The following XKR4 variants were observed in gnomAD, a reference collection of about 807,000 sequenced individuals.
XKR4 encodes XK related 4.
A neutral mutation model predicts 53.9 loss-of-function variants in XKR4; 12 were observed. That is an observed-to-expected ratio of 0.22 (90% CI 0.14 to 0.36). The LOEUF (loss-of-function observed/expected upper bound fraction) is 0.36. Ranked by LOEUF, XKR4 falls within the 10% of genes least tolerant of loss-of-function variation. The probability of loss-of-function intolerance (pLI) is 1.00; values close to 1 mark genes in which losing one functional copy is unlikely to be tolerated. For synonymous variants in XKR4, 354 were observed against 362.4 expected (o/e 0.98, Z 0.26); for missense variants, 799 against 859.5 (o/e 0.93, Z 0.88).
At chr8:55,172,554 A>G (rs1283644052) in intron 1 of XKR4, among the ~76,000 whole-genome samples, 1 of 152,238 alleles carries the variant, frequency 6.6e-6, no homozygotes, top group Non-Finnish European at 1.5e-5. Context: ...CCTATAGTAT[A>G]AAACAAAGAC....
rs1251192695 is a variant in XKR4, at chr8:55,532,897, A to G, written c.*8670A>G. The stretch of plus-strand genomic sequence containing the variant: ...AATTGTTGACCTTCTCCTCCTCTCC[A>G]TTGCTTAATTTATATTAAAACAGAT... On this transcript the variant is annotated 3_prime_UTR_variant, in exon 3 of 3. Coordinates refer to ENST00000327381, the MANE Select transcript of XKR4 (RefSeq NM_052898.2). 6.6e-6 allele frequency: 1 copy of G among 151,272 alleles called. No individual in the cohort carries two copies. The highest frequency in any genetic ancestry group is 2.4e-5 in the African/African-American group (1 of 41,056). The allele number at this position is 151,272 out of a possible 1,614,324, so 9.4% of individuals were successfully genotyped here. A position where few individuals can be genotyped will look rare whatever the true frequency, so the allele number is the denominator to read the frequency against.
At chr8:55,390,279 T>C (rs540299424) in intron 2 of XKR4, among the ~76,000 whole-genome samples, 2 of 152,370 alleles carry the variant, frequency 1.3e-5, no homozygotes, top group Admixed American at 6.5e-5. Flanking sequence ...GTTAATGGTA[T>C]CATTTGCCAA....
At chr8:55,321,098 A>G (rs1450107853) in intron 1 of XKR4, among the ~76,000 whole-genome samples, 3 of 152,044 alleles carry the variant, frequency 2.0e-5, no homozygotes, top group Non-Finnish European at 4.4e-5. Flanking sequence ...GCTTCCTTGC[A>G]TCTAGGTCCA....
chr8:55,349,234 A>G (rs567495017), intron 1 of XKR4, among the ~76,000 whole-genome samples: 2 of 152,236 alleles, frequency 1.3e-5, no homozygotes, highest in Admixed American at 6.5e-5. Context: ...TGACAGAGCC[A>G]TGATTGTTCA....
At chr8:55,481,693 T>G (rs1806109652) in intron 2 of XKR4, among the ~76,000 whole-genome samples, 1 of 151,604 alleles carries the variant, frequency 6.6e-6, no homozygotes, top group Non-Finnish European at 1.5e-5. Flanking sequence ...TCAAATCAAT[T>G]TACAAGAAAA....
At chr8:55,252,776 C>A (rs766427431) in intron 1 of XKR4, among the ~76,000 whole-genome samples, 2 of 152,100 alleles carry the variant, frequency 1.3e-5, no homozygotes, top group African/African-American at 2.4e-5. Flanking sequence ...AGAAAGAGAC[C>A]CTGCTCAAAG....
chr8:55,470,782 T>A (rs1805868184), intron 2 of XKR4, among the ~76,000 whole-genome samples: 1 of 152,142 alleles, frequency 6.6e-6, no homozygotes, highest in African/African-American at 2.4e-5. Flanking sequence ...ACTGATCACT[T>A]TCTATGATCA....
intron 1 of XKR4, among the ~76,000 whole-genome samples, chr8:55,255,249 T>C (rs1428175089): frequency 6.6e-6 from 1 of 152,200 alleles, no homozygotes; most frequent in East Asian, 1.9e-4. Flanking sequence ...TTACTAGCGG[T>C]GTGGCCTTAG....
At chr8:55,133,853 A>C (rs535026394) in intron 1 of XKR4, among the ~76,000 whole-genome samples, 3 of 152,322 alleles carry the variant, frequency 2.0e-5, no homozygotes, top group Admixed American at 6.5e-5. Context: ...GGAGATGAAA[A>C]TTTATGAGAT....
intron 2 of XKR4, among the ~76,000 whole-genome samples, chr8:55,488,051 G>A (rs960739406): frequency 6.6e-6 from 1 of 152,166 alleles, no homozygotes; most frequent in Non-Finnish European, 1.5e-5. Flanking sequence ...AGACATTAGT[G>A]CTTTTGATCA....
chr8:55,438,588 TTG>T (rs386725598), intron 2 of XKR4, among the ~76,000 whole-genome samples: 37,297 of 111,818 alleles, frequency 0.33, 7,173 homozygotes, highest in African/African-American at 0.38. Flanking sequence ...AGACTCCATC[TTG>T]AAAAAAAAAA....
chr8:55,463,946 T>G (rs1805708465), intron 2 of XKR4, among the ~76,000 whole-genome samples: 1 of 152,256 alleles, frequency 6.6e-6, no homozygotes, highest in East Asian at 1.9e-4. Flanking sequence ...AATCTCTGAA[T>G]AGACCAATAA....
intron 1 of XKR4, among the ~76,000 whole-genome samples, chr8:55,125,911 G>A (rs1816461382): frequency 6.6e-6 from 1 of 152,196 alleles, no homozygotes; most frequent in Non-Finnish European, 1.5e-5. Context: ...GCCCTTCTAA[G>A]TGTGAGCCCT....
At chr8:55,327,648 T>G (rs1205561885) in intron 1 of XKR4, among the ~76,000 whole-genome samples, 1 of 152,206 alleles carries the variant, frequency 6.6e-6, no homozygotes, top group African/African-American at 2.4e-5. Flanking sequence ...TCAAATAGTA[T>G]TTGTGTCTTT....
intron 1 of XKR4, among the ~76,000 whole-genome samples, chr8:55,345,709 T>C (rs979743185): frequency 1.3e-5 from 2 of 152,172 alleles, no homozygotes; most frequent in African/African-American, 2.4e-5. Flanking sequence ...GAGCGGGACA[T>C]TACATGCACA....
intron 1 of XKR4, among the ~76,000 whole-genome samples, chr8:55,127,155 G>A (rs116466721): frequency 6.6e-6 from 1 of 151,862 alleles, no homozygotes; most frequent in Non-Finnish European, 1.5e-5. Flanking sequence ...ATTCTCGTAT[G>A]AGCCAGCTAA....
chr8:55,161,449 G>C (rs1481759921), intron 1 of XKR4: 1 of 439,688 alleles, frequency 2.3e-6, no homozygotes, highest in Non-Finnish European at 4.5e-6. Context: ...GGAAACTAGA[G>C]TCTTTGAGCA....
chr8:55,270,878 A>G (rs1406037316), intron 1 of XKR4, among the ~76,000 whole-genome samples: 1 of 152,196 alleles, frequency 6.6e-6, no homozygotes, highest in Non-Finnish European at 1.5e-5. Context: ...CATATAAAAT[A>G]GAATCCATGC....
chr8:55,387,167 A>G (rs939220323), intron 2 of XKR4, among the ~76,000 whole-genome samples: 1 of 152,196 alleles, frequency 6.6e-6, no homozygotes, highest in Non-Finnish European at 1.5e-5. Context: ...CTGTGCATAA[A>G]GTACCCTATG....
Sources: gnomAD v4.1 joint callset for allele counts (sites outside exome capture counted in the v4.1 genomes callset) on GRCh38, gnomAD v4.1.1 for gene constraint, MANE v1.5 for transcripts, NCBI Gene and HGNC (gene_info 2026-07-23, HGNC 2026-07-21) for gene names.